COL5A2: variants seen among roughly 807,000 people sequenced by gnomAD.
COL5A2 encodes the protein collagen type V alpha 2 chain, also known as collagen alpha-2(V) chain.
Under a neutral mutation model 208.2 loss-of-function variants are expected in COL5A2, and 23 were observed. That is an observed-to-expected ratio of 0.11 (90% confidence interval 0.08 to 0.16). The LOEUF is 0.16. Ranked by LOEUF, COL5A2 falls within the 10% of genes least tolerant of loss-of-function variation. The probability of loss-of-function intolerance (pLI) is 1.00; values close to 1 mark genes in which losing one functional copy is unlikely to be tolerated. For missense variants in COL5A2, 1,590 were observed against 1,956.4 expected (o/e 0.81, Z 3.53); for synonymous variants, 625 against 628.5 (o/e 0.99, Z 0.08).
chr2:189,439,161 T>C, the COL5A2 span, among the ~76,000 whole-genome samples: 1 of 152,208 alleles, frequency 6.6e-6, no homozygotes, highest in South Asian at 2.1e-4. Flanking sequence ...AATCACTTTC[T>C]TTTCTACTTT....
chr2:189,052,143 C>G, intron 41 of COL5A2, 29 bp downstream of exon 41: 1 of 1,591,730 alleles, frequency 6.3e-7, no homozygotes, highest in Non-Finnish European at 8.6e-7. Context: ...ATTTCATTAT[C>G]AGTGACTTGT....
chr2:189,327,498 G>T, the COL5A2 span, among the ~76,000 whole-genome samples: 4 of 152,098 alleles, frequency 2.6e-5, no homozygotes, highest in South Asian at 4.1e-4. Context: ...GAAAACTTAG[G>T]TAACTGAAGA....
the COL5A2 span, among the ~76,000 whole-genome samples, chr2:189,383,220 G>A: frequency 2.0e-5 from 3 of 152,188 alleles, no homozygotes; most frequent in Non-Finnish European, 4.4e-5. Flanking sequence ...AAGGCTGTAA[G>A]TCCAAGATGA....
intron 8 of COL5A2, among the ~76,000 whole-genome samples, chr2:189,087,890 T>G (rs1049574543): frequency 4.0e-5 from 6 of 151,534 alleles, no homozygotes; most frequent in Non-Finnish European, 8.8e-5. Context: ...GATAAAAACA[T>G]GCAACTCAAA....
chr2:189,185,508 T>C (rs1361942935), intron 1 of COL5A2, among the ~76,000 whole-genome samples: 1 of 152,166 alleles, frequency 6.6e-6, no homozygotes, highest in African/African-American at 2.4e-5. Context: ...GAAAATAACA[T>C]TTCTGCTGGA....
chr2:189,223,803 G>C (rs1689377682), intron 1 of COL5A2, among the ~76,000 whole-genome samples: 1 of 152,102 alleles, frequency 6.6e-6, no homozygotes, highest in Admixed American at 6.6e-5. Flanking sequence ...GTACTGATTG[G>C]AGCTGGATAC....
At chr2:189,088,901 T>C (rs1686722998) in intron 7 of COL5A2, 129 bp from the exon 8 acceptor site, 1 of 803,550 alleles carries the variant, frequency 1.2e-6, no homozygotes, top group East Asian at 2.6e-5. Context: ...TCTAAGTGCT[T>C]GACTTTAAAG....
the COL5A2 span, among the ~76,000 whole-genome samples, chr2:189,340,543 C>T: frequency 1.9e-4 from 29 of 152,278 alleles, no homozygotes; most frequent in African/African-American, 6.7e-4. Context: ...TCAACCTTGG[C>T]CTAGAATGGT....
chr2:189,332,040 G>C, the COL5A2 span, among the ~76,000 whole-genome samples: 2,700 of 151,212 alleles, frequency 0.018, 57 homozygotes, highest in Non-Finnish European at 0.025. Context: ...TGTAGACTTT[G>C]TGACTAGAAG....
intron 1 of COL5A2, among the ~76,000 whole-genome samples, chr2:189,145,514 A>G (rs1362875333): frequency 6.6e-6 from 1 of 152,104 alleles, no homozygotes; most frequent in African/African-American, 2.4e-5. Context: ...TGCTATTTGG[A>G]TCACACACTA....
chr2:189,312,266 C>G, the COL5A2 span, among the ~76,000 whole-genome samples: 1 of 152,116 alleles, frequency 6.6e-6, no homozygotes, highest in Non-Finnish European at 1.5e-5. Flanking sequence ...GGTAGGAGGC[C>G]AGGTGGTCGT....
At chr2:189,173,138 A>AT (rs904772835) in intron 1 of COL5A2, among the ~76,000 whole-genome samples, 3 of 151,120 alleles carry the variant, frequency 2.0e-5, no homozygotes, top group African/African-American at 4.9e-5. Context: ...ACCCAGATAA[A>AT]TTTTTTTGTA....
At chr2:189,170,246 G>A (rs564969005) in intron 1 of COL5A2, among the ~76,000 whole-genome samples, 1 of 152,188 alleles carries the variant, frequency 6.6e-6, no homozygotes, top group African/African-American at 2.4e-5. Flanking sequence ...ATTTGAATTC[G>A]GATCACTCAT....
At chr2:189,323,864 G>A in the COL5A2 span, among the ~76,000 whole-genome samples, 2 of 152,142 alleles carry the variant, frequency 1.3e-5, no homozygotes, top group East Asian at 1.9e-4. Context: ...GCATTGCCAA[G>A]TCAATACTAA....
chr2:189,099,295 T>C (rs1272913566), intron 4 of COL5A2, among the ~76,000 whole-genome samples: 1 of 152,152 alleles, frequency 6.6e-6, no homozygotes. Flanking sequence ...TAAAGGCAAA[T>C]AGAGAATGTA....
chr2:189,104,403 C>T, intron 2 of COL5A2, 126 bp from the exon 3 acceptor site: 1 of 704,056 alleles, frequency 1.4e-6, no homozygotes, highest in South Asian at 1.6e-5. Flanking sequence ...ATTACACTAT[C>T]AGCAGTAAGC....
intron 1 of COL5A2, among the ~76,000 whole-genome samples, chr2:189,149,444 A>T (rs1296147951): frequency 6.6e-6 from 1 of 152,198 alleles, no homozygotes. Context: ...TGGTAAATAT[A>T]TTTAATATTG....
At chr2:189,410,894 G>A in the COL5A2 span, among the ~76,000 whole-genome samples, 4 of 152,008 alleles carry the variant, frequency 2.6e-5, no homozygotes, top group South Asian at 8.3e-4. Flanking sequence ...ATATGTCAAA[G>A]TACTTTAAAA....
chr2:189,082,778 C>T (rs1263342365), intron 12 of COL5A2, among the ~76,000 whole-genome samples: 1 of 152,204 alleles, frequency 6.6e-6, no homozygotes, highest in East Asian at 1.9e-4. Flanking sequence ...CCATGGAGGG[C>T]CCACACTGTG....
Sources: gnomAD v4.1 joint callset for allele counts (sites outside exome capture counted in the v4.1 genomes callset) on GRCh38, gnomAD v4.1.1 for gene constraint, MANE v1.5 for transcripts, NCBI Gene and HGNC (gene_info 2026-07-23, HGNC 2026-07-21) for gene names.